XXYLT1: variants seen among roughly 807,000 people sequenced by gnomAD.
XXYLT1 encodes the protein xyloside xylosyltransferase 1.
In XXYLT1, 20 loss-of-function variants were observed where a neutral mutation model predicts 28.9. That is an observed-to-expected ratio of 0.69 (90% CI 0.49 to 1.00). XXYLT1 has a LOEUF of 1.00. Among genes scored for constraint, XXYLT1 ranks in the 50% least tolerant of loss-of-function variants. The pLI, the probability that XXYLT1 is intolerant of heterozygous loss-of-function variation, is 0.00. For missense variants in XXYLT1, 542 were observed against 560.1 expected (o/e 0.97, Z 0.33); for synonymous variants, 257 against 253.8 (o/e 1.01, Z -0.12).
intron 3 of XXYLT1, among the ~76,000 whole-genome samples, chr3:195,109,671 T>TATAA: frequency 8.5e-6 from 1 of 117,236 alleles, no homozygotes; most frequent in Non-Finnish European, 1.8e-5. Context: ...GTGTGTGGTG[T>TATAA]GTGTGTTGTA....
chr3:195,148,179 C>G (rs564969558), intron 3 of XXYLT1: 175 of 152,300 alleles, frequency 1.1e-3, no homozygotes, highest in African/African-American at 4.0e-3. Context: ...TTTAAAATAC[C>G]TTTTCCACTG....
intron 2 of XXYLT1, among the ~76,000 whole-genome samples, chr3:195,181,268 T>TGGCTGCGTGGCTGCGTGGCTGCGG (rs1721938606): frequency 7.0e-6 from 1 of 143,224 alleles, no homozygotes; most frequent in Non-Finnish European, 1.5e-5. Flanking sequence ...TGTATCTGCG[T>TGGCTGCGTGGCTGCGTGGCTGCGG]GGCTGCGTGG....
At chr3:195,109,042 G>A (rs1267808304) in intron 3 of XXYLT1, among the ~76,000 whole-genome samples, 1 of 152,052 alleles carries the variant, frequency 6.6e-6, no homozygotes, top group East Asian at 1.9e-4. Flanking sequence ...CCAATATATT[G>A]ATAAAGCAGT....
chr3:195,146,671 C>T (rs1050547081), intron 3 of XXYLT1: 4 of 152,240 alleles, frequency 2.6e-5, no homozygotes, highest in African/African-American at 9.6e-5. Context: ...ATGTGATACC[C>T]ACTTCTTAGC....
Position 195,180,970 on chromosome 3 carries a change from ATTCAG to A in XXYLT1, c.653-24394_653-24390del, listed in dbSNP as rs1363649805. Among the ~76,000 whole-genome samples, 1 of 152,206 alleles carries A rather than the reference ATTCAG, an allele frequency of 6.6e-6. No individual in the cohort carries two copies. The highest frequency in any genetic ancestry group is 2.4e-5 in the African/African-American group (1 of 41,438). The stretch of plus-strand genomic sequence containing the variant: ...TAAAATGCCCAACTGATTTCAAGGA[ATTCAG>A]TTCAGACAAAGGGCTAAAGGGTGGT... On this transcript the variant is annotated intron_variant, in intron 2 of 3. Coordinates refer to ENST00000310380, the MANE Select transcript of XXYLT1 (RefSeq NM_152531.5). This position sits in a 1 kb window ranked among gnomAD's most constrained non-coding sequence, Gnocchi z 5.8.
Position 195,180,621 on chromosome 3 carries a change from C to T in XXYLT1, c.653-24040G>A. ...TGATGTGGCCCCGTCTGGCTAAGAG[C>T]ACCAGACGGCGGTGGCTGGAGCACC... On this transcript the variant is annotated intron_variant, in intron 2 of 3. Transcript: ENST00000310380. The surrounding 1 kb of genome is among the most constrained non-coding windows in gnomAD (Gnocchi z 5.8). 3.3e-6 allele frequency: 3 copies of T among 915,676 alleles called. No homozygotes were observed. The highest frequency in any genetic ancestry group is 3.9e-6 in the Non-Finnish European group (3 of 766,088). The allele number at this position is 915,676 out of a possible 1,614,324, so 56.7% of individuals were successfully genotyped here. A position where few individuals can be genotyped will look rare whatever the true frequency, so the allele number is the denominator to read the frequency against.
intron 1 of XXYLT1, among the ~76,000 whole-genome samples, chr3:195,269,028 T>A (rs1725934071): frequency 6.6e-6 from 1 of 151,990 alleles, no homozygotes; most frequent in African/African-American, 2.4e-5. Context: ...GACTTGGAGA[T>A]GGAGAGAAGG....
chr3:195,162,640 G>C (rs1225989768), intron 2 of XXYLT1, among the ~76,000 whole-genome samples: 6 of 152,216 alleles, frequency 3.9e-5, no homozygotes, highest in Non-Finnish European at 8.8e-5. Context: ...ATCATGAGAA[G>C]ACACAGTTTT....
Position 195,226,571 on chromosome 3 carries a change from G to T in XXYLT1, c.652+138C>A, listed in dbSNP as rs934304049. ...GGAAGCTCGGTGGTACAAAGGGCTT[G>T]GTCTGGCTCCCTCGTCCACTCTTTC... is the stretch of plus-strand genomic sequence containing the variant. On this transcript the variant is annotated intron_variant, in intron 2 of 3. Transcript: ENST00000310380. 12 of 1,082,300 alleles carry T rather than the reference G, an allele frequency of 1.1e-5. No individual in the cohort carries two copies. The Admixed American group carries it at 1.6e-4, about 14-fold the overall frequency. 67.0% of individuals were successfully genotyped at this position (1,082,300 alleles called of 1,614,324 possible).
intron 2 of XXYLT1, among the ~76,000 whole-genome samples, chr3:195,162,325 T>C (rs541065677): frequency 6.6e-6 from 1 of 152,072 alleles, no homozygotes; most frequent in East Asian, 1.9e-4. Flanking sequence ...AGGCCTTGAC[T>C]CTCACTGTGC....
chr3:195,244,559 C>T (rs1037368799), intron 1 of XXYLT1, among the ~76,000 whole-genome samples: 1 of 150,676 alleles, frequency 6.6e-6, no homozygotes, highest in Non-Finnish European at 1.5e-5. Context: ...GTCGGCTGTT[C>T]GAGACCAGAC....
chr3:195,234,914 A>G (rs1441908984), intron 1 of XXYLT1, among the ~76,000 whole-genome samples: 1 of 151,810 alleles, frequency 6.6e-6, no homozygotes, highest in Non-Finnish European at 1.5e-5. Flanking sequence ...AGGTTTGGGA[A>G]GTTCTCTGTT....
At chr3:195,096,992 A>C (rs1408929459) in intron 3 of XXYLT1, among the ~76,000 whole-genome samples, 2 of 152,254 alleles carry the variant, frequency 1.3e-5, no homozygotes, top group African/African-American at 4.8e-5. Context: ...GGCTGCGCTG[A>C]GCGCTGGGCA....
chr3:195,228,525 C>CT (rs1724157377), intron 1 of XXYLT1, among the ~76,000 whole-genome samples: 1 of 135,446 alleles, frequency 7.4e-6, no homozygotes, highest in South Asian at 2.4e-4. Context: ...GAGTCTCACT[C>CT]TGTCAACCGA....
intron 2 of XXYLT1, among the ~76,000 whole-genome samples, chr3:195,225,481 G>T (rs139920070): frequency 1.3e-5 from 2 of 152,186 alleles, no homozygotes; most frequent in Non-Finnish European, 2.9e-5. Flanking sequence ...TGGGCTGGAG[G>T]AGCAGGCCTC....
At chr3:195,111,161 C>CCTTA (rs1181931256) in intron 3 of XXYLT1, among the ~76,000 whole-genome samples, 1 of 151,968 alleles carries the variant, frequency 6.6e-6, no homozygotes, top group Non-Finnish European at 1.5e-5. Context: ...CTTTGCTATT[C>CCTTA]CTTAGCACGC....
At chr3:195,094,114 C>G (rs1716279622) in intron 3 of XXYLT1, 1 of 152,816 alleles carries the variant, frequency 6.5e-6, no homozygotes. Flanking sequence ...AAATTCACAG[C>G]ACTGGCCTCT....
chr3:195,238,535 G>C (rs1724648816), intron 1 of XXYLT1, among the ~76,000 whole-genome samples: 1 of 152,186 alleles, frequency 6.6e-6, no homozygotes, highest in South Asian at 2.1e-4. Context: ...CATCCATACA[G>C]GTTTGCTAAA....
intron 3 of XXYLT1, chr3:195,093,649 G>C (rs1353748437): frequency 6.6e-6 from 1 of 151,400 alleles, no homozygotes; most frequent in Non-Finnish European, 1.5e-5. Flanking sequence ...CCTGCACAAT[G>C]TGCACATGTA....
Sources: allele counts gnomAD v4.1 joint callset (sites outside exome capture counted in the v4.1 genomes callset), GRCh38; gene constraint gnomAD v4.1.1; non-coding constraint Gnocchi (gnomAD v3.1); transcripts MANE v1.5; gene names NCBI Gene and HGNC (gene_info 2026-07-23, HGNC 2026-07-21).